CRACD: variants seen among roughly 807,000 people sequenced by gnomAD.
CRACD encodes capping protein inhibiting regulator of actin dynamics.
A neutral mutation model predicts 106.8 loss-of-function variants in CRACD; 56 were observed. The observed-to-expected ratio is 0.52, with a 90% confidence interval of 0.42 to 0.66. The LOEUF (loss-of-function observed/expected upper bound fraction) is 0.66, where lower values mean the gene tolerates loss of function less well. Among genes scored for constraint, CRACD ranks in the 30% least tolerant of loss-of-function variants. The pLI is 0.00. For missense variants in CRACD, 1,730 were observed against 1,623.2 expected, an observed-to-expected ratio of 1.07 and a Z score of -1.13; for synonymous variants, 754 against 670.8, an observed-to-expected ratio of 1.12 and a Z score of -1.92.
At chr4:56,175,600 A>T (rs912082065) in intron 1 of CRACD, among the ~76,000 whole-genome samples, 1 of 152,216 alleles carries the variant, frequency 6.6e-6, no homozygotes, top group Non-Finnish European at 1.5e-5. Context: ...GGGTACACAC[A>T]CAGGGTATCC....
At chr4:56,052,218 G>A (rs1274173248) in intron 1 of CRACD, among the ~76,000 whole-genome samples, 1 of 152,104 alleles carries the variant, frequency 6.6e-6, no homozygotes, top group Non-Finnish European at 1.5e-5. Context: ...AGTAAGAGAT[G>A]CATTTTACTT....
intron 2 of CRACD, among the ~76,000 whole-genome samples, chr4:56,193,412 G>A (rs2109460430): frequency 6.6e-6 from 1 of 152,220 alleles, no homozygotes; most frequent in East Asian, 1.9e-4. Context: ...GCTTCATTTG[G>A]GGGAGACTAT....
intron 1 of CRACD, among the ~76,000 whole-genome samples, chr4:56,077,058 C>A (rs891900779): frequency 2.5e-4 from 38 of 152,160 alleles, no homozygotes; most frequent in African/African-American, 8.2e-4. Flanking sequence ...GTGCTGTAGG[C>A]CCCTTCACAT....
chr4:56,249,557 A>G (rs1740925624), intron 2 of CRACD, among the ~76,000 whole-genome samples: 1 of 151,996 alleles, frequency 6.6e-6, no homozygotes, highest in African/African-American at 2.4e-5. Context: ...TTTCTTTTTC[A>G]ATGCATTATT....
At chr4:56,254,176 T>A (rs1233586252) in intron 2 of CRACD, among the ~76,000 whole-genome samples, 1 of 152,142 alleles carries the variant, frequency 6.6e-6, no homozygotes, top group African/African-American at 2.4e-5. Flanking sequence ...GAAAGAGGAA[T>A]GTGGTTAGAG....
At chr4:56,275,566 T>C (rs889328877) in intron 3 of CRACD, among the ~76,000 whole-genome samples, 5 of 152,342 alleles carry the variant, frequency 3.3e-5, no homozygotes, top group African/African-American at 1.2e-4. Context: ...ACTACATATG[T>C]TGATTATGGT....
chr4:56,117,209 G>A lies in CRACD; in HGVS notation c.-335-62075G>A, dbSNP rs573789035. ...CTAATTTTTTTGTATTTTTAGTAGAGACGGGGTTTCACCGTGTTAGCCAGG... is the reference window on the plus strand; with the variant it reads ...CTAATTTTTTTGTATTTTTAGTAGAAACGGGGTTTCACCGTGTTAGCCAGG... On this transcript the variant is annotated intron_variant, in intron 1 of 10. Transcript: ENST00000682029. 1.7e-4 allele frequency among the ~76,000 whole-genome samples: 26 copies of A among 151,916 alleles called. No individual in the cohort carries two copies. The South Asian group carries it at 5.2e-3, about 30-fold the overall frequency.
chr4:56,298,571 C>T (rs549249040), intron 4 of CRACD, among the ~76,000 whole-genome samples: 1 of 152,256 alleles, frequency 6.6e-6, no homozygotes, highest in Admixed American at 6.5e-5. Flanking sequence ...CATGACACAC[C>T]CTCTCCTTTT....
chr4:56,132,112 A>G (rs1170650645), intron 1 of CRACD, among the ~76,000 whole-genome samples: 1 of 152,138 alleles, frequency 6.6e-6, no homozygotes, highest in Admixed American at 6.6e-5. Flanking sequence ...TGGTGCAACC[A>G]CAGCTCCTGT....
At chr4:56,118,665 A>C (rs1346915577) in intron 1 of CRACD, among the ~76,000 whole-genome samples, 1 of 152,162 alleles carries the variant, frequency 6.6e-6, no homozygotes, top group African/African-American at 2.4e-5. Flanking sequence ...TAGGGAGGCT[A>C]AGGTGGAGGG....
intron 2 of CRACD, among the ~76,000 whole-genome samples, chr4:56,249,497 T>C (rs1392674806): frequency 6.6e-6 from 1 of 151,872 alleles, no homozygotes; most frequent in African/African-American, 2.4e-5. Context: ...ATGAGTAGGT[T>C]GCGAAAATTT....
intron 2 of CRACD, among the ~76,000 whole-genome samples, chr4:56,222,413 G>T (rs1255821738): frequency 6.6e-6 from 1 of 152,096 alleles, no homozygotes; most frequent in East Asian, 1.9e-4. Flanking sequence ...GGGAAGTGAA[G>T]ATTAAAAACT....
intron 3 of CRACD, among the ~76,000 whole-genome samples, chr4:56,283,212 A>G (rs139452247): frequency 1.7e-4 from 26 of 152,316 alleles, no homozygotes; most frequent in African/African-American, 6.0e-4. Flanking sequence ...CATGCCACCA[A>G]GAAAGAAGGG....
chr4:56,097,440 G>A lies in CRACD; in HGVS notation c.-336+48141G>A, dbSNP rs185293135. 4.3e-3 allele frequency: 658 copies of A among 153,016 alleles called. 2 individuals carry two copies. The highest frequency in any genetic ancestry group is 7.7e-3 in the Non-Finnish European group (527 of 68,182). 9.5% of individuals were successfully genotyped at this position (153,016 alleles called of 1,614,324 possible). A position where few individuals can be genotyped will look rare whatever the true frequency, so the allele number is the denominator to read the frequency against. On this transcript the variant is annotated intron_variant, in intron 1 of 10. Transcript: ENST00000682029. ...CGCCCGATCTCGTCTGATCTCGGAA[G>A]CTAAGCAGGGTCGGGCCTGGTTAGT...
intron 2 of CRACD, among the ~76,000 whole-genome samples, chr4:56,207,844 G>T (rs1419469322): frequency 7.2e-6 from 1 of 138,072 alleles, no homozygotes; most frequent in Non-Finnish European, 1.5e-5. Flanking sequence ...ATTTTTTTGA[G>T]ATAGGGTCTT....
At chr4:56,305,322 G>C (rs2109740722) in intron 4 of CRACD, among the ~76,000 whole-genome samples, 1 of 152,314 alleles carries the variant, frequency 6.6e-6, no homozygotes, top group East Asian at 1.9e-4. Flanking sequence ...CTCAATCTAA[G>C]GGGATTTAGA....
chr4:56,102,621 A>G lies in CRACD; in HGVS notation c.-336+53322A>G, dbSNP rs368449057. Among the ~76,000 whole-genome samples the G allele has an allele frequency of 5.3e-5, 8 of 152,322 alleles. No individual in the cohort carries two copies. In the East Asian group the frequency reaches 7.7e-4, roughly 15 times the overall value. The stretch of plus-strand genomic sequence containing the variant: ...GAGTTTAACTAGAGAGTGTGTGCCA[A>G]TTACATATGTGATCTTGTATCTGAA... On this transcript the variant is annotated intron_variant, in intron 1 of 10. Transcript: ENST00000682029.
At chr4:56,127,595 A>T (rs550161728) in intron 1 of CRACD, among the ~76,000 whole-genome samples, 2 of 152,314 alleles carry the variant, frequency 1.3e-5, no homozygotes, top group East Asian at 3.9e-4. Flanking sequence ...GAGGCCAAAG[A>T]TAATGTTTTC....
At chr4:56,182,407 C>T (rs1736866874) in intron 2 of CRACD, among the ~76,000 whole-genome samples, 1 of 150,764 alleles carries the variant, frequency 6.6e-6, no homozygotes, top group Admixed American at 6.6e-5. Flanking sequence ...AGAACAACAA[C>T]TCCAAAACAC....
Sources: allele counts gnomAD v4.1 joint callset (sites outside exome capture counted in the v4.1 genomes callset), GRCh38; gene constraint gnomAD v4.1.1; transcripts MANE v1.5; gene names NCBI Gene and HGNC (gene_info 2026-07-23, HGNC 2026-07-21).